The following LRRC9 variants were observed in gnomAD, a reference collection of about 807,000 sequenced individuals.
LRRC9 encodes leucine rich repeat containing 9.
LRRC9 carries 122 observed loss-of-function variants against 63.2 expected under a neutral mutation model. The observed-to-expected ratio is 1.93, with a 90% CI of 1.67 to 2.24. The LOEUF is 2.24. Ranked by LOEUF, LRRC9 falls within the 30% of genes most tolerant of loss-of-function variation. The pLI, the probability that LRRC9 is intolerant of heterozygous loss-of-function variation, is 0.00. For synonymous variants in LRRC9, 366 were observed against 213.1 expected (o/e 1.72, Z -6.25); for missense variants, 1,071 against 627.7 (o/e 1.71, Z -7.55).
chr14:60,053,091 C>T lies in LRRC9; in HGVS notation c.4017C>T (p.His1339=), dbSNP rs947325008. Residue 1339 remains histidine, a synonymous_variant, in exon 30 of 32, where the codon CAC becomes CAT. Transcript: ENST00000445360. This position sits in a 1 kb window ranked among gnomAD's most constrained non-coding sequence, Gnocchi z 4.8. ...TTTGTAGAAAAATGCTACATCGCCA[C>T]ATGCTTATATTTCGACTGCCTAACT... 1.4e-6 allele frequency: 1 copy of T among 700,548 alleles called. No individual in the cohort carries two copies. Among genetic ancestry groups the T allele is most frequent in the Admixed American group, 2.0e-5 (1 of 49,824 alleles). The allele number at this position is 700,548 out of a possible 1,614,324, so 43.4% of individuals were successfully genotyped here. A position where few individuals can be genotyped will look rare whatever the true frequency, so the allele number is the denominator to read the frequency against.
At chr14:60,020,610 T>C (rs1891046622) in intron 26 of LRRC9, among the ~76,000 whole-genome samples, 2 of 151,972 alleles carry the variant, frequency 1.3e-5, no homozygotes. Flanking sequence ...AAAAAGATCC[T>C]TCATGTCCAT....
chr14:59,983,460 T>G (rs219338), intron 16 of LRRC9, among the ~76,000 whole-genome samples: 112,892 of 151,656 alleles, frequency 0.74, 44,177 homozygotes, highest in Non-Finnish European at 0.87. Flanking sequence ...GGAGCAAATA[T>G]ATATGTGAAC....
downstream of LRRC9, among the ~76,000 whole-genome samples, chr14:60,065,107 C>T (rs932355566): frequency 1.3e-5 from 2 of 152,076 alleles, no homozygotes; most frequent in South Asian, 4.1e-4. Context: ...CTGAGCCGGG[C>T]GCAGTGGCTC....
Position 59,966,715 on chromosome 14 carries a change from C to T in LRRC9, c.1338C>T (p.Phe446=), listed in dbSNP as rs941269809. ...ACAACCGTATTCTGAGACTAAAATT[C>T]GAAGAGAAATTTCAAAAGTTTTTGG... The change falls in exon 11 of 32, where the codon TTC becomes TTT. Residue 446 remains phenylalanine (F), a synonymous_variant. Transcript: ENST00000445360. The surrounding 1 kb of genome is among the most constrained non-coding windows in gnomAD (Gnocchi z 4.0). 5.8e-6 allele frequency: 4 copies of T among 684,734 alleles called. No individual in the cohort carries two copies. Among genetic ancestry groups the T allele is most frequent in the East Asian group, 2.7e-5 (1 of 37,078 alleles). 42.4% of individuals were successfully genotyped at this position (684,734 alleles called of 1,614,324 possible).
chr14:59,967,535 T>C (rs972788787), intron 12 of LRRC9, among the ~76,000 whole-genome samples: 1 of 152,204 alleles, frequency 6.6e-6, no homozygotes, highest in Non-Finnish European at 1.5e-5. Flanking sequence ...AACTCTCCAG[T>C]CTTCACCTTG....
At position 59,966,059 on chromosome 14, in the gene LRRC9, G is replaced by C. The variant is rs1433457882; in HGVS notation, c.1212-530G>C. On this transcript the variant is annotated intron_variant, in intron 10 of 31. Coordinates refer to ENST00000445360, the Ensembl canonical transcript of LRRC9. This position sits in a 1 kb window ranked among gnomAD's most constrained non-coding sequence, Gnocchi z 4.0. ...GTGCAGTGTTAGTTATGTTAGGTTG[G>C]AGTCACCTGTTTAACATGCAGATGG... Among the ~76,000 whole-genome samples, 1 of 152,006 alleles carries C rather than the reference G, an allele frequency of 6.6e-6. No individual in the cohort carries two copies. Among genetic ancestry groups the C allele is most frequent in the African/African-American group, 2.4e-5 (1 of 41,356 alleles).
Position 59,964,583 on chromosome 14 carries a change from C to A in LRRC9, c.1212-2006C>A, listed in dbSNP as rs1884648198. On this transcript the variant is annotated intron_variant, in intron 10 of 31. Coordinates refer to ENST00000445360, the Ensembl canonical transcript of LRRC9. The surrounding 1 kb of genome is among the most constrained non-coding windows in gnomAD (Gnocchi z 4.4). ...CATGAGACGCCTCAAGCCCAATATC[C>A]CCTATATAGCAAAAACTTTATCTAA... Among the ~76,000 whole-genome samples, 1 of 152,142 alleles carries A rather than the reference C, an allele frequency of 6.6e-6. No individual in the cohort carries two copies. The highest frequency in any genetic ancestry group is 1.5e-5 in the Non-Finnish European group (1 of 68,030).
rs1888019370 is a variant in LRRC9, at chr14:59,990,904, C to A, written c.2211+5680C>A. On this transcript the variant is annotated intron_variant, in intron 17 of 31. Coordinates refer to ENST00000445360, the Ensembl canonical transcript of LRRC9. This position sits in a 1 kb window ranked among gnomAD's most constrained non-coding sequence, Gnocchi z 4.2. ...CTTCTTCTCCCACATGAATACCATG[C>A]AGGTCTTGTGTTGATGGTGGTTTAT... Among the ~76,000 whole-genome samples, 1 of 152,214 alleles carries A rather than the reference C, an allele frequency of 6.6e-6. No homozygotes were observed. The highest frequency in any genetic ancestry group is 6.5e-5 in the Admixed American group (1 of 15,292).
chr14:59,967,098 G>A (rs755770316), exon 12 of LRRC9: 2 of 630,930 alleles, frequency 3.2e-6, no homozygotes, highest in Non-Finnish European at 5.9e-6. Context: ...TTCTTAAGGA[G>A]CTACCGAAGG....
intron 8 of LRRC9, among the ~76,000 whole-genome samples, chr14:59,952,646 G>A (rs141443750): frequency 6.6e-6 from 1 of 152,196 alleles, no homozygotes; most frequent in African/African-American, 2.4e-5. Flanking sequence ...TGTTGTTGTT[G>A]TTGCTTTTAT....
chr14:60,008,448 A>T (rs1256153734), intron 23 of LRRC9, among the ~76,000 whole-genome samples: 1 of 152,172 alleles, frequency 6.6e-6, no homozygotes, highest in Non-Finnish European at 1.5e-5. Flanking sequence ...CTTACAATAG[A>T]ACCCACAGAA....
Position 59,928,085 on chromosome 14 carries a change from G to A in LRRC9, c.48+94G>A. 3 of 610,650 alleles carry A rather than the reference G, an allele frequency of 4.9e-6. No individual in the cohort carries two copies. The South Asian group carries it at 6.2e-5, about 13-fold the overall frequency. 37.8% of individuals were successfully genotyped at this position (610,650 alleles called of 1,614,324 possible). A position where few individuals can be genotyped will look rare whatever the true frequency, so the allele number is the denominator to read the frequency against. ...TTTCTAGAGCTGGAAGGGTTACTTA[G>A]TCATTTCCTCTACCTAGTGACTTTG... On this transcript the variant is annotated intron_variant, in intron 2 of 31. Transcript: ENST00000445360.
chr14:60,042,663 C>T lies in LRRC9; in HGVS notation c.3991-10402C>T, dbSNP rs937736474. On this transcript the variant is annotated intron_variant, in intron 29 of 31. Transcript: ENST00000445360. This position sits in a 1 kb window ranked among gnomAD's most constrained non-coding sequence, Gnocchi z 4.2. Reference sequence around the variant, plus strand: ...TACTGCCTGTCATGGCTTCCCTTGGCTAGGAAAGGGAATTTCCCCACCCTT... The same window carrying T: ...TACTGCCTGTCATGGCTTCCCTTGGTTAGGAAAGGGAATTTCCCCACCCTT... Among the ~76,000 whole-genome samples the T allele has an allele frequency of 2.6e-5, 4 of 152,190 alleles. No individual in the cohort carries two copies. The highest frequency in any genetic ancestry group is 7.2e-5 in the African/African-American group (3 of 41,442).
rs1335809439 is a variant in LRRC9, at chr14:59,927,896, C to T, written c.-33-15C>T. 6.3e-6 allele frequency: 4 copies of T among 636,314 alleles called. No homozygotes were observed. The highest frequency in any genetic ancestry group is 5.6e-5 in the Admixed American group (2 of 36,012). 39.4% of individuals were successfully genotyped at this position (636,314 alleles called of 1,614,324 possible). A position where few individuals can be genotyped will look rare whatever the true frequency, so the allele number is the denominator to read the frequency against. ...GACTTTAATATTTATTTCATTTTTT[C>T]ATTTTCCTTAAAAGTTATAATATTA... On this transcript the variant is annotated splice_polypyrimidine_tract_variant and intron_variant, in intron 1 of 31. Coordinates refer to ENST00000445360, the Ensembl canonical transcript of LRRC9. This position sits in a 1 kb window ranked among gnomAD's most constrained non-coding sequence, Gnocchi z 4.4.
At chr14:60,048,028 T>G (rs1893578823) in intron 29 of LRRC9, among the ~76,000 whole-genome samples, 1 of 152,208 alleles carries the variant, frequency 6.6e-6, no homozygotes, top group Admixed American at 6.5e-5. Flanking sequence ...TTGAGCAACC[T>G]GCTCCTGAAT....
At chr14:60,050,706 G>C (rs1041629569) in intron 29 of LRRC9, among the ~76,000 whole-genome samples, 36 of 152,148 alleles carry the variant, frequency 2.4e-4, no homozygotes, top group African/African-American at 8.2e-4. Flanking sequence ...ATTTTTAGGG[G>C]CTTATCTACC....
chr14:59,973,111 T>C (rs953407537), intron 12 of LRRC9, among the ~76,000 whole-genome samples: 2 of 152,028 alleles, frequency 1.3e-5, no homozygotes, highest in African/African-American at 4.8e-5. Flanking sequence ...CTTCATGTTT[T>C]CCTCCTCTTA....
intron 23 of LRRC9, among the ~76,000 whole-genome samples, chr14:60,014,933 G>A (rs1280780835): frequency 1.3e-5 from 2 of 152,022 alleles, no homozygotes; most frequent in East Asian, 1.9e-4. Context: ...ACAAATACAG[G>A]ATATGCCCAT....
chr14:59,948,333 G>C (rs945456943), intron 8 of LRRC9, among the ~76,000 whole-genome samples: 1 of 144,536 alleles, frequency 6.9e-6, no homozygotes, highest in Non-Finnish European at 1.5e-5. Context: ...GTATAGGAAT[G>C]CTTGTGATTT....
Sources: allele counts gnomAD v4.1 joint callset (sites outside exome capture counted in the v4.1 genomes callset), GRCh38; gene constraint gnomAD v4.1.1; non-coding constraint Gnocchi (gnomAD v3.1); transcripts MANE v1.5; gene names NCBI Gene and HGNC (gene_info 2026-07-23, HGNC 2026-07-21).